Variants in SHANK2 observed in about 807,000 individuals in gnomAD.
SHANK2 encodes SH3 and multiple ankyrin repeat domains protein 2.
Under a neutral mutation model 133.7 loss-of-function variants are expected in SHANK2, and 43 were observed. That is an observed-to-expected ratio of 0.32 (90% CI 0.25 to 0.41). The LOEUF is 0.41. Ranked by LOEUF, SHANK2 falls within the 10% of genes least tolerant of loss-of-function variation. SHANK2 has a pLI of 1.00. For missense variants in SHANK2, 1,994 were observed against 2,235.8 expected (o/e 0.89, Z 2.18); for synonymous variants, 1,017 against 952.8 (o/e 1.07, Z -1.24).
chr11:70,737,958 C>T lies in SHANK2; in HGVS notation c.1778-39195G>A, dbSNP rs112984424. ...GGTGCCCTACGGTGAGCCGCGGAGA[C>T]GTGGGCATCACACCAGAATCTGGGC... On this transcript the variant is annotated intron_variant, in intron 14 of 25. Transcript: ENST00000601538. Among the ~76,000 whole-genome samples, 9 of 152,368 alleles carry T rather than the reference C, an allele frequency of 5.9e-5. No homozygotes were observed. In the East Asian group the frequency reaches 1.4e-3, roughly 23 times the overall value.
At chr11:70,729,780 G>C (rs555550990) in intron 14 of SHANK2, among the ~76,000 whole-genome samples, 1 of 150,640 alleles carries the variant, frequency 6.6e-6, no homozygotes, top group Non-Finnish European at 1.5e-5. Flanking sequence ...TGATCTGCCT[G>C]CCTCAGCCTC....
Position 70,486,008 on chromosome 11 carries a change from C to T in SHANK2, c.4285G>A (p.Ala1429Thr), listed in dbSNP as rs782672433. 2.2e-5 allele frequency: 35 copies of T among 1,613,974 alleles called. No individual in the cohort carries two copies. The highest frequency in any genetic ancestry group is 2.9e-5 in the Non-Finnish European group (34 of 1,180,038). Residue 1429 changes from alanine (A) to threonine (T), a missense_variant, in exon 25 of 26, where the codon GCT (alanine) becomes ACT (threonine). Ala to Thr is a moderately conservative substitution (Grantham distance 58). This residue lies in a region of SHANK2 where 797 missense variants were observed against 907.4 expected (regional missense o/e 0.88). Transcript: ENST00000601538. This position sits in a 1 kb window ranked among gnomAD's most constrained non-coding sequence, Gnocchi z 8.0. ...NSFDIPDDRA[A>T]SVPALSDLVK... is the part of the protein sequence containing the mutation. Reference sequence around the variant, plus strand: ...AAGTCTGAGAGAGCCGGGACAGAAGCTGCCCGGTCATCGGGGATATCAAAA... The same window carrying T: ...AAGTCTGAGAGAGCCGGGACAGAAGTTGCCCGGTCATCGGGGATATCAAAA...
chr11:70,954,075 G>A (rs1196936301), intron 10 of SHANK2, among the ~76,000 whole-genome samples: 1 of 152,192 alleles, frequency 6.6e-6, no homozygotes, highest in Non-Finnish European at 1.5e-5. Context: ...GGACATCCTG[G>A]GACCCTGCCC....
Position 70,657,548 on chromosome 11 carries a change from G to A in SHANK2, c.2061+2280C>T, listed in dbSNP as rs549419884. Among the ~76,000 whole-genome samples, 740 of 152,288 alleles carry A rather than the reference G, an allele frequency of 4.9e-3. 1 individual carries two copies. Among genetic ancestry groups the A allele is most frequent in the Admixed American group, 7.6e-3 (116 of 15,300 alleles). On this transcript the variant is annotated intron_variant, in intron 17 of 25. Coordinates refer to ENST00000601538, the MANE Select transcript of SHANK2 (RefSeq NM_012309.5). ...ACATGAACTGGGAGGAGCCAGGATCGTGCAAGGGTCCAGCTGCCTGCACCC... is the reference window on the plus strand; with the variant it reads ...ACATGAACTGGGAGGAGCCAGGATCATGCAAGGGTCCAGCTGCCTGCACCC...
chr11:70,938,323 G>A (rs1395653926), intron 10 of SHANK2, among the ~76,000 whole-genome samples: 1 of 152,114 alleles, frequency 6.6e-6, no homozygotes, highest in Non-Finnish European at 1.5e-5. Flanking sequence ...AACACAGAAG[G>A]AGCAAACGAA....
At chr11:70,676,237 A>G (rs7949600) in intron 15 of SHANK2, among the ~76,000 whole-genome samples, 90,504 of 152,126 alleles carry the variant, frequency 0.59, 27,341 homozygotes, top group Non-Finnish European at 0.65. Flanking sequence ...TGCTGCAGCG[A>G]CTGGAAAAGC....
intron 6 of SHANK2, among the ~76,000 whole-genome samples, chr11:71,109,050 A>G (rs1047768632): frequency 3.9e-5 from 6 of 152,224 alleles, no homozygotes; most frequent in African/African-American, 1.4e-4. Flanking sequence ...GTGTGACACC[A>G]GTATGTGATG....
At chr11:71,209,904 A>G (rs1432160097) in intron 2 of SHANK2, among the ~76,000 whole-genome samples, 1 of 152,028 alleles carries the variant, frequency 6.6e-6, no homozygotes, top group Non-Finnish European at 1.5e-5. Context: ...ATTCTTCACA[A>G]GACTCATCAG....
rs571108631 is a variant in SHANK2, at chr11:70,933,741, G to A, written c.1108-37174C>T. 1.6e-4 allele frequency among the ~76,000 whole-genome samples: 24 copies of A among 150,560 alleles called. No individual in the cohort carries two copies. The South Asian group carries it at 2.7e-3, about 17-fold the overall frequency. ...TCAAGACCAGCCTGGCCAACATGGC[G>A]AAATCCTGTCTCTACTAAAAATACA... On this transcript the variant is annotated intron_variant, in intron 10 of 25. Transcript: ENST00000601538.
chr11:70,485,535 CGGCGGG>C lies in SHANK2; in HGVS notation c.4752_4757del (p.Pro1585_Pro1586del), dbSNP rs782653830. 3.2e-5 allele frequency: 51 copies of C among 1,612,540 alleles called. No homozygotes were observed. The African/African-American group carries it at 3.6e-4, about 11-fold the overall frequency. The stretch of plus-strand genomic sequence containing the variant: ...TGGCCATCCCAGGCTGGGCACTGCC[CGGCGGG>C]GGCGGGGGAGCGGGCGGGGGGATAA... On this transcript the variant is annotated inframe_deletion, in exon 25 of 26. Coordinates refer to ENST00000601538, the MANE Select transcript of SHANK2 (RefSeq NM_012309.5). The surrounding 1 kb of genome is among the most constrained non-coding windows in gnomAD (Gnocchi z 5.8).
chr11:70,558,792 T>C (rs1357090625), intron 17 of SHANK2, among the ~76,000 whole-genome samples: 2 of 152,020 alleles, frequency 1.3e-5, no homozygotes, highest in Non-Finnish European at 2.9e-5. Flanking sequence ...AGCGCAGGGA[T>C]GAGGCAGCTA....
At chr11:71,167,664 G>C (rs1458976223) in intron 2 of SHANK2, among the ~76,000 whole-genome samples, 1 of 147,640 alleles carries the variant, frequency 6.8e-6, no homozygotes, top group Non-Finnish European at 1.5e-5. Context: ...TGGCCGGGCG[G>C]GGGGCTGACC....
chr11:70,653,144 T>G (rs1555010607), intron 17 of SHANK2, among the ~76,000 whole-genome samples: 2 of 151,970 alleles, frequency 1.3e-5, no homozygotes, highest in African/African-American at 4.8e-5. Context: ...GGCTAATTTT[T>G]TTGTATTTTT....
chr11:70,559,019 C>G (rs1007602551), intron 17 of SHANK2, among the ~76,000 whole-genome samples: 2 of 151,994 alleles, frequency 1.3e-5, no homozygotes, highest in African/African-American at 4.8e-5. Context: ...ATTTCACAGA[C>G]GCTATATTTT....
intron 11 of SHANK2, among the ~76,000 whole-genome samples, chr11:70,893,834 A>G (rs1555075176): frequency 6.6e-6 from 1 of 152,092 alleles, no homozygotes; most frequent in Non-Finnish European, 1.5e-5. Flanking sequence ...AGGACTGGGG[A>G]TTTTACAAAC....
At chr11:70,932,960 C>G (rs952735366) in intron 10 of SHANK2, among the ~76,000 whole-genome samples, 1 of 152,166 alleles carries the variant, frequency 6.6e-6, no homozygotes, top group Non-Finnish European at 1.5e-5. Flanking sequence ...TACAGCCGTT[C>G]CTGGAAAAAT....
chr11:70,526,831 G>A lies in SHANK2; in HGVS notation c.2062-23900C>T, dbSNP rs549223959. ...TGAACACCCCCTATCATGTGCTGCC[G>A]ACCTCTGCAGGCCTGGCCCCCTCGG... On this transcript the variant is annotated intron_variant, in intron 17 of 25. Coordinates refer to ENST00000601538, the MANE Select transcript of SHANK2 (RefSeq NM_012309.5). Among the ~76,000 whole-genome samples the A allele has an allele frequency of 9.5e-5, 13 of 137,542 alleles. No homozygotes were observed. In the South Asian group the frequency reaches 1.7e-3, roughly 18 times the overall value. 90.2% of individuals were successfully genotyped at this position (137,542 alleles called of 152,430 possible).
intron 1 of SHANK2, among the ~76,000 whole-genome samples, chr11:71,227,840 C>T (rs1251724707): frequency 2.6e-5 from 4 of 151,880 alleles, no homozygotes; most frequent in Non-Finnish European, 5.9e-5. Flanking sequence ...TAAGTTCCTA[C>T]CTCAAGAAGC....
rs554795776 is a variant in SHANK2 at position 70,611,835 on chromosome 11, G to A, written c.2061+47993C>T. On this transcript the variant is annotated intron_variant, in intron 17 of 25. Coordinates refer to ENST00000601538, the MANE Select transcript of SHANK2 (RefSeq NM_012309.5). The stretch of plus-strand genomic sequence containing the variant: ...TGGGGGAGTTTAGGAAACTGCCTTC[G>A]TTTCTACTGAAAATGGAGAAAAAAG... 7.9e-5 allele frequency among the ~76,000 whole-genome samples: 12 copies of A among 152,054 alleles called. No individual in the cohort carries two copies. In the South Asian group the frequency reaches 2.3e-3, roughly 29 times the overall value.
Sources: gnomAD v4.1 joint callset for allele counts (sites outside exome capture counted in the v4.1 genomes callset) on GRCh38, gnomAD v4.1.1 for gene constraint, gnomAD v4.1.1 regional missense constraint, Gnocchi (gnomAD v3.1) non-coding constraint, MANE v1.5 for transcripts, NCBI Gene and HGNC (gene_info 2026-07-23, HGNC 2026-07-21) for gene names.